The following LRRC7 variants were observed in gnomAD, a reference collection of about 807,000 sequenced individuals.
LRRC7 encodes the protein leucine rich repeat containing 7, also known as leucine-rich repeat-containing protein 7.
LRRC7 carries 23 observed loss-of-function variants against 175.7 expected under a neutral mutation model. The ratio of observed to expected loss-of-function variants is 0.13; its 90% CI spans 0.09 to 0.19. The LOEUF (loss-of-function observed/expected upper bound fraction) is 0.19, where lower values mean the gene tolerates loss of function less well. Ranked by LOEUF, LRRC7 falls within the 10% of genes least tolerant of loss-of-function variation. The pLI, the probability that LRRC7 is intolerant of heterozygous loss-of-function variation, is 1.00. For synonymous variants in LRRC7, 685 were observed against 680.9 expected, an observed-to-expected ratio of 1.01 and a Z score of -0.09; for missense variants, 1,354 against 1,904.7, an observed-to-expected ratio of 0.71 and a Z score of 5.38.
chr1:70,009,380 A>G (rs1656288642), intron 11 of LRRC7, among the ~76,000 whole-genome samples: 1 of 148,046 alleles, frequency 6.8e-6, no homozygotes, highest in African/African-American at 2.5e-5. Flanking sequence ...TTGAGAAACA[A>G]ACTCTGTTAC....
At chr1:69,919,901 C>A in intron 7 of LRRC7, 1 of 661,576 alleles carries the variant, frequency 1.5e-6, no homozygotes, top group Admixed American at 2.2e-5. Flanking sequence ...AGTGGCCGAA[C>A]CCCCCACTCC....
chr1:69,602,469 TAAATA>T (rs1647115467), intron 1 of LRRC7, among the ~76,000 whole-genome samples: 1 of 146,268 alleles, frequency 6.8e-6, no homozygotes, highest in African/African-American at 2.8e-5. Context: ...TGGAACATTT[TAAATA>T]AAATAACATT....
In LRRC7 at chr1:70,139,583, A is replaced by G. The variant is rs1281975574; in HGVS notation, c.*17696A>G. On this transcript the variant is annotated 3_prime_UTR_variant, in exon 27 of 27. Transcript: ENST00000651989. ...TTTGTGGGTGAGGGAAGAAGAGGACATCAGGTGAAGTGTGCCATTACTATT... is the reference window on the plus strand; with the variant it reads ...TTTGTGGGTGAGGGAAGAAGAGGACGTCAGGTGAAGTGTGCCATTACTATT... The G allele has an allele frequency of 1.3e-5, 2 of 152,278 alleles. No homozygotes were observed. Among genetic ancestry groups the G allele is most frequent in the East Asian group, 3.8e-4 (2 of 5,196 alleles). 9.4% of individuals were successfully genotyped at this position (152,278 alleles called of 1,614,324 possible).
chr1:69,659,436 T>TA (rs540334120), intron 1 of LRRC7, among the ~76,000 whole-genome samples: 35 of 133,080 alleles, frequency 2.6e-4, no homozygotes, highest in African/African-American at 4.5e-4. Context: ...ATAAAACCAG[T>TA]AAAAAAAATG....
At chr1:69,616,190 C>T (rs1213326715) in intron 1 of LRRC7, among the ~76,000 whole-genome samples, 1 of 151,956 alleles carries the variant, frequency 6.6e-6, no homozygotes, top group Non-Finnish European at 1.5e-5. Context: ...ATGTTGTAAT[C>T]ATAACGCAGT....
chr1:69,643,161 T>G (rs1004894932), intron 1 of LRRC7, among the ~76,000 whole-genome samples: 2 of 152,084 alleles, frequency 1.3e-5, no homozygotes, highest in African/African-American at 4.8e-5. Context: ...GCATTGGATC[T>G]TCATCTGTCT....
intron 1 of LRRC7, among the ~76,000 whole-genome samples, chr1:69,662,756 A>G (rs892318091): frequency 2.0e-5 from 3 of 152,234 alleles, no homozygotes; most frequent in Non-Finnish European, 4.4e-5. Flanking sequence ...GGATCTTTAT[A>G]AACACTTGAG....
intron 26 of LRRC7, among the ~76,000 whole-genome samples, chr1:70,114,074 A>C (rs1006487383): frequency 3.9e-5 from 6 of 152,150 alleles, no homozygotes; most frequent in Non-Finnish European, 8.8e-5. Flanking sequence ...CCAAAAAAAA[A>C]CCTGAAGAGT....
At chr1:69,713,442 G>A (rs1665007905) in intron 2 of LRRC7, among the ~76,000 whole-genome samples, 1 of 152,112 alleles carries the variant, frequency 6.6e-6, no homozygotes, top group Non-Finnish European at 1.5e-5. Context: ...CCACCAGTGA[G>A]CCGTGATTGT....
chr1:70,039,226 T>C lies in LRRC7; in HGVS notation c.3402T>C (p.Asp1134=). 1 of 1,613,912 alleles carries C rather than the reference T, an allele frequency of 6.2e-7. No individual in the cohort carries two copies. The highest frequency in any genetic ancestry group is 1.1e-5 in the South Asian group (1 of 91,072). Residue 1134 remains aspartate (D), a synonymous_variant, in exon 21 of 27, where the codon GAT becomes GAC. Transcript: ENST00000651989. ...FSFSQPSVNE[D]AVVNAQFASQ... ...TTTCTCAGCCATCTGTGAATGAGGA[T>C]GCTGTGGTGAATGCCCAGTTCGCAA... is the stretch of plus-strand genomic sequence containing the variant.
intron 2 of LRRC7, among the ~76,000 whole-genome samples, chr1:69,710,710 C>T (rs1664658075): frequency 6.6e-6 from 1 of 152,166 alleles, no homozygotes; most frequent in South Asian, 2.1e-4. Context: ...CTAGATTGTA[C>T]TGAGTGGCCC....
chr1:69,775,999 A>G (rs555338720), intron 3 of LRRC7, among the ~76,000 whole-genome samples: 49 of 152,266 alleles, frequency 3.2e-4, no homozygotes, highest in African/African-American at 1.0e-3. Flanking sequence ...CAAAATCCCA[A>G]TAGAGCCTCT....
chr1:69,942,978 C>A (rs567347770), intron 8 of LRRC7, among the ~76,000 whole-genome samples: 1 of 151,938 alleles, frequency 6.6e-6, no homozygotes, highest in South Asian at 2.1e-4. Flanking sequence ...AGTTTTTTTG[C>A]GATTTTTTTT....
At chr1:69,983,925 A>G (rs2101894062) in intron 9 of LRRC7, among the ~76,000 whole-genome samples, 1 of 151,982 alleles carries the variant, frequency 6.6e-6, no homozygotes, top group Middle Eastern at 3.4e-3. Context: ...GGTGGGTCTG[A>G]CATTATACTT....
At chr1:69,581,421 ATAG>A (rs2100918494) in intron 1 of LRRC7, among the ~76,000 whole-genome samples, 1 of 152,330 alleles carries the variant, frequency 6.6e-6, no homozygotes, top group Admixed American at 6.5e-5. Context: ...TGCTGAATTG[ATAG>A]TAGTGAGGGC....
intron 13 of LRRC7, 137 bp downstream of exon 13, chr1:70,013,226 A>G (rs1381174234): frequency 2.4e-6 from 1 of 408,714 alleles, no homozygotes; most frequent in Non-Finnish European, 4.5e-6. Context: ...TCCTTAAAAT[A>G]GCAGAAGGTA....
intron 1 of LRRC7, among the ~76,000 whole-genome samples, chr1:69,636,795 T>C (rs538379310): frequency 2.2e-4 from 34 of 152,022 alleles, no homozygotes; most frequent in Non-Finnish European, 4.1e-4. Context: ...CTTTAATATA[T>C]TCATTGGAGG....
intron 1 of LRRC7, among the ~76,000 whole-genome samples, chr1:69,589,974 T>C (rs1293672053): frequency 2.6e-5 from 4 of 152,192 alleles, no homozygotes; most frequent in Admixed American, 6.5e-5. Flanking sequence ...TATTTTGAAA[T>C]TCAAGCCTGA....
intron 1 of LRRC7, among the ~76,000 whole-genome samples, chr1:69,594,109 T>A (rs771260536): frequency 1.3e-5 from 2 of 152,236 alleles, no homozygotes; most frequent in Non-Finnish European, 2.9e-5. Context: ...GTAGGAGTTA[T>A]TAAAATATTA....
Sources: allele counts gnomAD v4.1 joint callset (sites outside exome capture counted in the v4.1 genomes callset), GRCh38; gene constraint gnomAD v4.1.1; transcripts MANE v1.5; gene names NCBI Gene and HGNC (gene_info 2026-07-23, HGNC 2026-07-21).